The following ATG4C variants were observed in gnomAD, a reference collection of about 807,000 sequenced individuals.
The protein encoded by ATG4C is autophagy related 4C cysteine peptidase.
ATG4C carries 56 observed loss-of-function variants against 57.6 expected under a neutral mutation model. That is an observed-to-expected ratio of 0.97 (90% CI 0.78 to 1.21). The LOEUF is 1.21. ATG4C is among the 50% of genes most tolerant of loss of function. ATG4C has a pLI of 0.00. For missense variants in ATG4C, 595 were observed against 529.8 expected, an observed-to-expected ratio of 1.12 and a Z score of -1.21; for synonymous variants, 157 against 174.1, an observed-to-expected ratio of 0.90 and a Z score of 0.78.
intron 7 of ATG4C, among the ~76,000 whole-genome samples, chr1:62,831,646 A>G (rs1026476284): frequency 1.6e-4 from 25 of 151,838 alleles, no homozygotes; most frequent in African/African-American, 5.8e-4. Flanking sequence ...TTGACTGATT[A>G]CTTCAGTCTT....
chr1:62,824,605 G>C (rs528821558), intron 6 of ATG4C, among the ~76,000 whole-genome samples: 15 of 151,468 alleles, frequency 9.9e-5, no homozygotes, highest in African/African-American at 3.6e-4. Context: ...CTCTTGAACT[G>C]TGGTACTTAG....
intron 7 of ATG4C, among the ~76,000 whole-genome samples, chr1:62,831,349 T>C (rs1300462471): frequency 1.3e-5 from 2 of 152,156 alleles, no homozygotes; most frequent in Non-Finnish European, 2.9e-5. Flanking sequence ...CTTTTTTTCA[T>C]GTATGGTCAG....
At chr1:62,862,444 A>G (rs188722465) in intron 10 of ATG4C, among the ~76,000 whole-genome samples, 24 of 152,280 alleles carry the variant, frequency 1.6e-4, no homozygotes, top group African/African-American at 5.8e-4. Flanking sequence ...TACAAGTGAC[A>G]TTAAATGAAT....
At chr1:62,853,931 T>G (rs1666597760) in intron 10 of ATG4C, among the ~76,000 whole-genome samples, 2 of 152,158 alleles carry the variant, frequency 1.3e-5, no homozygotes, top group Non-Finnish European at 2.9e-5. Flanking sequence ...ACCTTCTGAA[T>G]TGCTCCCTAG....
At chr1:62,788,628 A>C (rs1244635242) in intron 1 of ATG4C, among the ~76,000 whole-genome samples, 1 of 152,228 alleles carries the variant, frequency 6.6e-6, no homozygotes, top group Non-Finnish European at 1.5e-5. Context: ...TCTAATATGC[A>C]GTCCATATTC....
chr1:62,823,385 GCA>G (rs1665546783), intron 6 of ATG4C, among the ~76,000 whole-genome samples: 1 of 152,048 alleles, frequency 6.6e-6, no homozygotes, highest in Admixed American at 6.5e-5. Flanking sequence ...ATTCTTGACT[GCA>G]CTTTCATTGC....
chr1:62,832,942 A>G (rs1665886896), intron 7 of ATG4C, among the ~76,000 whole-genome samples: 1 of 152,174 alleles, frequency 6.6e-6, no homozygotes, highest in South Asian at 2.1e-4. Flanking sequence ...CACATATATA[A>G]AATTGTATTT....
intron 2 of ATG4C, among the ~76,000 whole-genome samples, chr1:62,804,309 C>T (rs1468756101): frequency 6.6e-6 from 1 of 151,914 alleles, no homozygotes; most frequent in African/African-American, 2.4e-5. Flanking sequence ...TCAGGCTGGT[C>T]TTGAACTCTT....
chr1:62,823,770 T>C (rs561327428), intron 6 of ATG4C, among the ~76,000 whole-genome samples: 2 of 152,272 alleles, frequency 1.3e-5, no homozygotes, highest in East Asian at 1.9e-4. Context: ...TTATCTTTTT[T>C]CCCCATGCCT....
chr1:62,811,150 C>T (rs1665071510), intron 3 of ATG4C, among the ~76,000 whole-genome samples: 1 of 152,202 alleles, frequency 6.6e-6, no homozygotes, highest in Non-Finnish European at 1.5e-5. Context: ...CTTTCAGCCA[C>T]AGTGATTTTA....
In ATG4C at chr1:62,863,997, GA is replaced by G; in HGVS notation, c.1218del (p.Lys406AsnfsTer14). ...RASEEITKMLKFSSKEKYPLF... is the reference protein window; with the variant it reads ...RASEEITKMLXFSSKEKYPLF... ...TTCTATACTTTCTGTTACAGATGCTGAAATTTTCTTCTAAGGAGAAATATCC... is the reference window on the plus strand; with the variant it reads ...TTCTATACTTTCTGTTACAGATGCTGAATTTTCTTCTAAGGAGAAATATCC... On this transcript the variant is annotated frameshift_variant, in exon 11 of 11. Coordinates refer to ENST00000317868, the MANE Select transcript of ATG4C (RefSeq NM_032852.4). LOFTEE classifies it high-confidence loss of function. 3.2e-6 allele frequency: 5 copies of G among 1,569,660 alleles called. No homozygotes were observed. The highest frequency in any genetic ancestry group is 3.4e-6 in the Non-Finnish European group (4 of 1,161,448).
At chr1:62,863,162 T>C (rs1362164532) in intron 10 of ATG4C, among the ~76,000 whole-genome samples, 1 of 152,052 alleles carries the variant, frequency 6.6e-6, no homozygotes, top group African/African-American at 2.4e-5. Flanking sequence ...ATTGATGGGC[T>C]ATAAAGGTTG....
chr1:62,831,552 T>C (rs760274794), intron 7 of ATG4C, among the ~76,000 whole-genome samples: 2 of 152,166 alleles, frequency 1.3e-5, no homozygotes, highest in Non-Finnish European at 2.9e-5. Context: ...TATTTATGTA[T>C]GTATGTATGT....
chr1:62,799,153 A>C (rs1418470161), intron 1 of ATG4C, among the ~76,000 whole-genome samples: 2 of 152,134 alleles, frequency 1.3e-5, no homozygotes, highest in African/African-American at 4.8e-5. Context: ...ACTCGGCTCC[A>C]GCATTTCTCC....
intron 10 of ATG4C, among the ~76,000 whole-genome samples, chr1:62,848,970 T>G (rs1557991401): frequency 6.6e-6 from 1 of 152,246 alleles, no homozygotes; most frequent in Non-Finnish European, 1.5e-5. Flanking sequence ...TTGTAGATTG[T>G]CCTCTCAATT....
rs41305874 is a variant in ATG4C, at chr1:62,841,464, C to T, written c.1126C>T (p.Arg376Ter). ...CCCTTCTCCCAAAAAGATGTCTTTT[C>T]GAAAAATGGATCCCAGCTGTACAAT... ...HCPSPKKMSF[R>*]KMDPSCTIGF... Residue 376 changes from arginine (R) to a stop codon, truncating the protein, a stop_gained, in exon 10 of 11, where the codon CGA becomes TGA. Transcript: ENST00000317868. LOFTEE classifies it high-confidence loss of function. 5.4e-5 allele frequency: 86 copies of T among 1,607,338 alleles called. No individual in the cohort carries two copies. The highest frequency in any genetic ancestry group is 6.5e-5 in the Non-Finnish European group (76 of 1,176,478).
chr1:62,792,903 T>TC (rs1664327926), intron 1 of ATG4C, among the ~76,000 whole-genome samples: 1 of 151,198 alleles, frequency 6.6e-6, no homozygotes, highest in African/African-American at 2.4e-5. Context: ...TTTTTTTTTT[T>TC]GGAAACGGAG....
At chr1:62,799,897 C>A (rs1159519811) in intron 1 of ATG4C, among the ~76,000 whole-genome samples, 1 of 149,306 alleles carries the variant, frequency 6.7e-6, no homozygotes, top group African/African-American at 2.5e-5. Context: ...TACCCATTAA[C>A]CATTCCCACC....
At chr1:62,838,848 C>T (rs558038173) in intron 9 of ATG4C, among the ~76,000 whole-genome samples, 11 of 151,640 alleles carry the variant, frequency 7.3e-5, no homozygotes, top group East Asian at 3.9e-4. Flanking sequence ...GTGCTCATGC[C>T]GCAATACCCA....
Sources: allele counts gnomAD v4.1 joint callset (sites outside exome capture counted in the v4.1 genomes callset), GRCh38; gene constraint gnomAD v4.1.1; transcripts MANE v1.5; gene names NCBI Gene and HGNC (gene_info 2026-07-23, HGNC 2026-07-21).